PPP1R9A: variants seen among roughly 807,000 people sequenced by gnomAD.
PPP1R9A encodes neurabin-1.
In PPP1R9A, 59 loss-of-function variants were observed where a neutral mutation model predicts 141.9. That is an observed-to-expected ratio of 0.42 (90% CI 0.34 to 0.52). PPP1R9A has a LOEUF of 0.52. PPP1R9A is among the 20% of genes least tolerant of loss of function. PPP1R9A has a pLI of 0.10. For missense variants in PPP1R9A, 1,444 were observed against 1,611.9 expected (o/e 0.90, Z 1.78); for synonymous variants, 500 against 569.7 (o/e 0.88, Z 1.74).
intron 8 of PPP1R9A, among the ~76,000 whole-genome samples, chr7:95,229,291 C>T (rs536221197): frequency 1.6e-4 from 25 of 152,058 alleles, no homozygotes; most frequent in East Asian, 5.8e-4. Context: ...ACTGGATCAC[C>T]GCTGCAGGCT....
At chr7:95,034,823 G>A (rs1858913) in intron 2 of PPP1R9A, among the ~76,000 whole-genome samples, 7,423 of 152,172 alleles carry the variant, frequency 0.049, 722 homozygotes, top group East Asian at 0.41. Context: ...AAGAAAAAAT[G>A]CTTTACTTTC....
At chr7:95,226,768 C>T (rs1795199333) in intron 8 of PPP1R9A, among the ~76,000 whole-genome samples, 1 of 152,168 alleles carries the variant, frequency 6.6e-6, no homozygotes, top group Non-Finnish European at 1.5e-5. Flanking sequence ...GTGATGCAGT[C>T]TCAGAGTTTG....
chr7:95,171,390 T>C (rs1832088696), intron 5 of PPP1R9A, among the ~76,000 whole-genome samples: 1 of 151,636 alleles, frequency 6.6e-6, no homozygotes, highest in African/African-American at 2.4e-5. Flanking sequence ...AGTGTGGTTA[T>C]ATTGATATTA....
At chr7:95,209,923 C>T (rs886768917) in intron 7 of PPP1R9A, among the ~76,000 whole-genome samples, 13 of 152,162 alleles carry the variant, frequency 8.5e-5, no homozygotes, top group African/African-American at 2.9e-4. Flanking sequence ...AGTTTCTTCC[C>T]ACAGTTCTAC....
At chr7:95,252,207 G>C in intron 12 of PPP1R9A, 77 bp downstream of exon 12, 1 of 1,423,938 alleles carries the variant, frequency 7.0e-7, no homozygotes, top group Non-Finnish European at 9.2e-7. Flanking sequence ...TTCTGACCCA[G>C]AGATTTAAAA....
At chr7:95,247,622 T>G in intron 9 of PPP1R9A, 96 bp downstream of exon 9, 1 of 1,042,976 alleles carries the variant, frequency 9.6e-7, no homozygotes, top group South Asian at 1.6e-5. Context: ...TCCCTGTATA[T>G]TTGAAAGAAT....
rs143019566 is a variant in PPP1R9A at position 95,183,119 on chromosome 7, A to C, written c.1755-15230A>C. On this transcript the variant is annotated intron_variant, in intron 5 of 19. Transcript: ENST00000433360. ...AGAATTCAACTTTTTGTTTACAATG[A>C]AATATAGCATAGAAAAATACTCTTT... 7.5e-3 allele frequency among the ~76,000 whole-genome samples: 1,138 copies of C among 152,048 alleles called. 7 individuals are homozygous for C. Among genetic ancestry groups the C allele is most frequent in the African/African-American group, 0.012 (494 of 41,464 alleles).
At chr7:94,937,370 C>A (rs142001771) in intron 2 of PPP1R9A, among the ~76,000 whole-genome samples, 1 of 152,286 alleles carries the variant, frequency 6.6e-6, no homozygotes, top group Non-Finnish European at 1.5e-5. Flanking sequence ...ATATCCTCAG[C>A]ACTGAGCACA....
intron 12 of PPP1R9A, among the ~76,000 whole-genome samples, chr7:95,267,364 C>T (rs1297655800): frequency 3.3e-5 from 5 of 152,126 alleles, no homozygotes; most frequent in Non-Finnish European, 5.9e-5. Flanking sequence ...TTGAACATGA[C>T]TTCAGCTAAT....
chr7:95,272,461 A>G (rs1460656981), intron 14 of PPP1R9A, among the ~76,000 whole-genome samples: 1 of 152,232 alleles, frequency 6.6e-6, no homozygotes, highest in East Asian at 1.9e-4. Flanking sequence ...CCAAAGAGTA[A>G]TGATGCAAAT....
chr7:95,196,153 T>G (rs891872133), intron 5 of PPP1R9A, among the ~76,000 whole-genome samples: 3 of 152,064 alleles, frequency 2.0e-5, no homozygotes, highest in African/African-American at 7.2e-5. Flanking sequence ...AACCCAATTT[T>G]CAGTAATGGG....
At chr7:95,174,752 G>A (rs1209892588) in intron 5 of PPP1R9A, among the ~76,000 whole-genome samples, 2 of 152,010 alleles carry the variant, frequency 1.3e-5, no homozygotes, top group East Asian at 1.9e-4. Flanking sequence ...AATATTTTCT[G>A]TACAATTTCT....
intron 2 of PPP1R9A, among the ~76,000 whole-genome samples, chr7:94,955,186 G>A (rs1796954511): frequency 6.6e-6 from 1 of 151,654 alleles, no homozygotes; most frequent in African/African-American, 2.4e-5. Context: ...GGATTATTAA[G>A]CCCTCTCATT....
chr7:94,939,268 T>A (rs1795080119), intron 2 of PPP1R9A, among the ~76,000 whole-genome samples: 1 of 151,856 alleles, frequency 6.6e-6, no homozygotes, highest in Non-Finnish European at 1.5e-5. Context: ...GTCAAGACAC[T>A]TTCTAAACTT....
At chr7:94,959,910 C>T (rs996939977) in intron 2 of PPP1R9A, among the ~76,000 whole-genome samples, 1 of 151,556 alleles carries the variant, frequency 6.6e-6, no homozygotes, top group Non-Finnish European at 1.5e-5. Context: ...TTTGAGGCTG[C>T]GTGAAGAATT....
At chr7:95,075,300 T>G (rs6651105) in intron 2 of PPP1R9A, among the ~76,000 whole-genome samples, 58,730 of 152,014 alleles carry the variant, frequency 0.39, 12,024 homozygotes, top group Non-Finnish European at 0.44. Flanking sequence ...CTAGATCCTC[T>G]TGTAATTTTA....
chr7:95,012,458 G>A (rs564164966), intron 2 of PPP1R9A, among the ~76,000 whole-genome samples: 244 of 152,114 alleles, frequency 1.6e-3, no homozygotes, highest in Non-Finnish European at 3.1e-3. Context: ...CCAACATGGG[G>A]GATTACAATT....
intron 2 of PPP1R9A, among the ~76,000 whole-genome samples, chr7:95,033,541 T>C (rs375839869): frequency 1.6e-4 from 25 of 152,282 alleles, no homozygotes; most frequent in African/African-American, 5.5e-4. Flanking sequence ...TTATCAGTTA[T>C]TTCCTTGATG....
intron 7 of PPP1R9A, among the ~76,000 whole-genome samples, chr7:95,224,996 C>T (rs1027824109): frequency 6.6e-6 from 1 of 151,926 alleles, no homozygotes; most frequent in Non-Finnish European, 1.5e-5. Context: ...AGATTTCAAA[C>T]AATTATTTTG....
Sources: gnomAD v4.1 joint callset for allele counts (sites outside exome capture counted in the v4.1 genomes callset) on GRCh38, gnomAD v4.1.1 for gene constraint, MANE v1.5 for transcripts, NCBI Gene and HGNC (gene_info 2026-07-23, HGNC 2026-07-21) for gene names.